RABGEF1: variants seen among roughly 807,000 people sequenced by gnomAD.
The protein encoded by RABGEF1 is RAB guanine nucleotide exchange factor 1.
Under a neutral mutation model 57.3 loss-of-function variants are expected in RABGEF1, and 26 were observed. That is an observed-to-expected ratio of 0.45 (90% CI 0.33 to 0.63). The LOEUF (loss-of-function observed/expected upper bound fraction) is 0.63. Among genes scored for constraint, RABGEF1 ranks in the 20% least tolerant of loss-of-function variants. The pLI is 0.02. For synonymous variants in RABGEF1, 185 were observed against 210.7 expected (o/e 0.88, Z 1.06); for missense variants, 464 against 607.6 (o/e 0.76, Z 2.48).
chr7:66,657,236 T>C, the RABGEF1 span, among the ~76,000 whole-genome samples: 2 of 152,212 alleles, frequency 1.3e-5, no homozygotes, highest in African/African-American at 4.8e-5. Context: ...GTATACAGTG[T>C]ATTAGGCTGC....
upstream of RABGEF1, among the ~76,000 whole-genome samples, chr7:66,681,980 C>T (rs1275347494): frequency 6.6e-6 from 1 of 152,246 alleles, no homozygotes; most frequent in South Asian, 2.1e-4. Flanking sequence ...TCTATTTGCT[C>T]TTGGGCGTCA....
chr7:66,712,558 C>T (rs1399366937), intron 2 of RABGEF1, among the ~76,000 whole-genome samples: 7 of 152,106 alleles, frequency 4.6e-5, no homozygotes, highest in Non-Finnish European at 7.4e-5. Flanking sequence ...GCAGCCTCGA[C>T]CTCCCGGGCT....
intron 1 of RABGEF1, among the ~76,000 whole-genome samples, chr7:66,685,777 C>A (rs933819242): frequency 6.6e-6 from 1 of 152,134 alleles, no homozygotes; most frequent in Non-Finnish European, 1.5e-5. Context: ...ATTCTGTTTA[C>A]CTATGTCAGT....
intron 1 of RABGEF1, among the ~76,000 whole-genome samples, chr7:66,690,048 CACT>C (rs1360849810): frequency 6.6e-6 from 1 of 151,034 alleles, no homozygotes; most frequent in Non-Finnish European, 1.5e-5. Context: ...CAGACAAAGG[CACT>C]ACAAGAAAAC....
chr7:66,770,829 G>A (rs2129107505), intron 1 of RABGEF1, among the ~76,000 whole-genome samples: 1 of 152,278 alleles, frequency 6.6e-6, no homozygotes, highest in East Asian at 1.9e-4. Context: ...GGTGTAAAGT[G>A]ATATCTCATT....
chr7:66,693,490 G>A (rs957957582), intron 1 of RABGEF1, among the ~76,000 whole-genome samples: 3 of 152,078 alleles, frequency 2.0e-5, no homozygotes, highest in Non-Finnish European at 4.4e-5. Context: ...TGCCCCCAGA[G>A]ACACAGCCAA....
intron 4 of RABGEF1, among the ~76,000 whole-genome samples, chr7:66,784,856 G>GTTT (rs994244775): frequency 6.8e-6 from 1 of 147,128 alleles, no homozygotes; most frequent in Non-Finnish European, 1.5e-5. Flanking sequence ...AGCTGTTATT[G>GTTT]TTTTTTTTTT....
intron 4 of RABGEF1, among the ~76,000 whole-genome samples, chr7:66,794,724 T>C (rs1199978811): frequency 6.6e-6 from 1 of 152,154 alleles, no homozygotes; most frequent in Non-Finnish European, 1.5e-5. Context: ...AATGCCACTT[T>C]TGGAAATGTA....
intron 2 of RABGEF1, among the ~76,000 whole-genome samples, chr7:66,720,392 T>G (rs1318042325): frequency 2.6e-5 from 4 of 151,542 alleles, no homozygotes; most frequent in African/African-American, 4.8e-5. Flanking sequence ...GAGACGGGGT[T>G]TCGCCATGTT....
the RABGEF1 span, among the ~76,000 whole-genome samples, chr7:66,662,400 G>A: frequency 6.6e-6 from 1 of 152,222 alleles, no homozygotes; most frequent in Non-Finnish European, 1.5e-5. Context: ...TGAGGCTGCA[G>A]TGAGACTGGG....
At chr7:66,773,596 G>C (rs1477451103) in intron 2 of RABGEF1, 3 of 439,626 alleles carry the variant, frequency 6.8e-6, no homozygotes, top group South Asian at 3.2e-5. Flanking sequence ...GTTGCCTGGT[G>C]ATGCTGCGCT....
the RABGEF1 span, among the ~76,000 whole-genome samples, chr7:66,661,073 G>A: frequency 6.6e-6 from 1 of 152,052 alleles, no homozygotes; most frequent in South Asian, 2.1e-4. Flanking sequence ...ACTTTGGGAG[G>A]CCAAGGCGGG....
rs201491869 is a variant in RABGEF1, at chr7:66,766,391, G to T, written c.-17-5492G>T. Among the ~76,000 whole-genome samples the T allele has an allele frequency of 3.3e-5, 5 of 151,626 alleles. No homozygotes were observed. The East Asian group carries it at 7.7e-4, about 23-fold the overall frequency. On this transcript the variant is annotated intron_variant, in intron 1 of 8. Transcript: ENST00000284957. ...ATGGAATAAGTCATGATTTCTTAATGTTAGTATCTTTATCTCTTACTATAG... is the reference window on the plus strand; with the variant it reads ...ATGGAATAAGTCATGATTTCTTAATTTTAGTATCTTTATCTCTTACTATAG...
chr7:66,792,069 G>T (rs1000310601), intron 4 of RABGEF1, among the ~76,000 whole-genome samples: 2 of 149,292 alleles, frequency 1.3e-5, no homozygotes, highest in East Asian at 3.9e-4. Context: ...CTGAGATCAC[G>T]CCACTGCACT....
rs1802669431 is a variant in RABGEF1 at position 66,756,184 on chromosome 7, TAATA to T, written c.-18+15397_-18+15400del. 6.3e-6 allele frequency: 4 copies of T among 636,502 alleles called. No homozygotes were observed. In the Admixed American group the frequency reaches 1.0e-4, roughly 17 times the overall value. The allele number at this position is 636,502 out of a possible 1,614,324, so 39.4% of individuals were successfully genotyped here. On this transcript the variant is annotated intron_variant, in intron 1 of 8. Coordinates refer to ENST00000284957, the MANE Select transcript of RABGEF1 (RefSeq NM_014504.3). ...TTATTCAAAGAAAATATACTAGTGC[TAATA>T]AATATCTCTAAAGATGGCTAACCTT...
At chr7:66,657,657 C>G in the RABGEF1 span, among the ~76,000 whole-genome samples, 3 of 152,120 alleles carry the variant, frequency 2.0e-5, no homozygotes, top group African/African-American at 7.2e-5. Context: ...CCCATCGCTA[C>G]TAAAAATACA....
upstream of RABGEF1, chr7:66,682,127 C>CA (rs1562685986): frequency 6.0e-6 from 1 of 167,532 alleles, no homozygotes; most frequent in African/African-American, 2.4e-5. Context: ...GCGGGGCAAG[C>CA]AGGGGGTGTG....
the RABGEF1 span, among the ~76,000 whole-genome samples, chr7:66,661,614 T>A: frequency 6.9e-4 from 105 of 152,152 alleles, no homozygotes; most frequent in African/African-American, 2.4e-3. Context: ...AGTAAGAACA[T>A]TAAATTACTA....
intron 1 of RABGEF1, chr7:66,756,035 A>C (rs1802627627): frequency 6.7e-7 from 1 of 1,496,310 alleles, no homozygotes; most frequent in Non-Finnish European, 8.9e-7. Flanking sequence ...TGCAAATGCT[A>C]ATAAGTCTTT....
Sources: gnomAD v4.1 joint callset for allele counts (sites outside exome capture counted in the v4.1 genomes callset) on GRCh38, gnomAD v4.1.1 for gene constraint, MANE v1.5 for transcripts, NCBI Gene and HGNC (gene_info 2026-07-23, HGNC 2026-07-21) for gene names.